ANXA10: variants seen among roughly 807,000 people sequenced by gnomAD.
ANXA10 encodes annexin A10, also known as annexin 14.
In ANXA10, 49 loss-of-function variants were observed where a neutral mutation model predicts 53.5. The observed-to-expected ratio is 0.92, with a 90% confidence interval of 0.73 to 1.16. The LOEUF (loss-of-function observed/expected upper bound fraction) is 1.16, where lower values mean the gene tolerates loss of function less well. Ranked by LOEUF, ANXA10 falls within the 50% of genes most tolerant of loss-of-function variation. ANXA10 has a pLI of 0.00. For synonymous variants in ANXA10, 131 were observed against 128.9 expected (o/e 1.02, Z -0.11); for missense variants, 393 against 394.4 (o/e 1.00, Z 0.03).
At chr4:168,102,745 TG>T (rs147810111) in intron 1 of ANXA10, among the ~76,000 whole-genome samples, 10,722 of 152,116 alleles carry the variant, frequency 0.07, 497 homozygotes, top group Non-Finnish European at 0.11. Flanking sequence ...AGTTTTTGAG[TG>T]CAGTTATGTT....
chr4:168,170,318 C>T (rs1338703387), intron 6 of ANXA10, among the ~76,000 whole-genome samples: 1 of 151,998 alleles, frequency 6.6e-6, no homozygotes, highest in South Asian at 2.1e-4. Flanking sequence ...AAATGTAGCA[C>T]CTATAAATTT....
chr4:168,134,853 C>A (rs1262084534), intron 2 of ANXA10, among the ~76,000 whole-genome samples: 1 of 152,166 alleles, frequency 6.6e-6, no homozygotes, highest in African/African-American at 2.4e-5. Flanking sequence ...GTGATACAGT[C>A]ATCTATGTTA....
intron 6 of ANXA10, among the ~76,000 whole-genome samples, chr4:168,175,373 A>G (rs1732107161): frequency 6.6e-6 from 1 of 152,204 alleles, no homozygotes; most frequent in South Asian, 2.1e-4. Context: ...TAAAATCATA[A>G]GAGAGAATTT....
chr4:168,186,717 T>C (rs2149483282), intron 11 of ANXA10, among the ~76,000 whole-genome samples: 1 of 152,280 alleles, frequency 6.6e-6, no homozygotes, highest in South Asian at 2.1e-4. Flanking sequence ...ACAGGTACTT[T>C]CAGTCATTTT....
At chr4:168,176,686 T>G (rs1286158820) in intron 6 of ANXA10, among the ~76,000 whole-genome samples, 1 of 152,210 alleles carries the variant, frequency 6.6e-6, no homozygotes, top group Non-Finnish European at 1.5e-5. Context: ...TTCACTGCAC[T>G]GTGGCTATTC....
At chr4:168,141,679 T>G (rs1218780240) in intron 3 of ANXA10, among the ~76,000 whole-genome samples, 2 of 151,706 alleles carry the variant, frequency 1.3e-5, no homozygotes, top group African/African-American at 4.8e-5. Flanking sequence ...GAGCAGAGAG[T>G]TTATTTAAAG....
At chr4:168,166,601 A>G (rs1452641988) in intron 6 of ANXA10, among the ~76,000 whole-genome samples, 5 of 151,332 alleles carry the variant, frequency 3.3e-5, no homozygotes, top group Non-Finnish European at 7.4e-5. Flanking sequence ...CTTAAAAGCC[A>G]GAATTTTGGT....
intron 6 of ANXA10, among the ~76,000 whole-genome samples, chr4:168,174,790 T>C (rs1030515167): frequency 3.3e-5 from 5 of 151,912 alleles, no homozygotes; most frequent in Non-Finnish European, 5.9e-5. Context: ...TGAAGTGCAG[T>C]GTGGAAGACT....
intron 6 of ANXA10, among the ~76,000 whole-genome samples, chr4:168,166,631 C>CGT (rs34797848): frequency 0.047 from 6,483 of 136,670 alleles, 154 homozygotes; most frequent in East Asian, 0.079. Flanking sequence ...TTTTGTGTTT[C>CGT]GTGTGTGTGT....
intron 1 of ANXA10, among the ~76,000 whole-genome samples, chr4:168,099,527 G>T (rs1009077562): frequency 3.3e-5 from 5 of 152,102 alleles, no homozygotes; most frequent in African/African-American, 1.2e-4. Context: ...CTCAGTGAAA[G>T]GTAATTAATT....
chr4:168,100,113 A>T (rs1176386734), intron 1 of ANXA10, among the ~76,000 whole-genome samples: 2 of 152,148 alleles, frequency 1.3e-5, no homozygotes, highest in African/African-American at 4.8e-5. Flanking sequence ...TAGGTGCACT[A>T]AACTCAGAAA....
chr4:168,146,561 G>C (rs1035202709), intron 3 of ANXA10, among the ~76,000 whole-genome samples: 1 of 152,156 alleles, frequency 6.6e-6, no homozygotes, highest in Non-Finnish European at 1.5e-5. Flanking sequence ...TTTACCATAT[G>C]CCCAGCTTTT....
chr4:168,166,090 A>G (rs1731873362), intron 6 of ANXA10, among the ~76,000 whole-genome samples: 1 of 152,236 alleles, frequency 6.6e-6, no homozygotes, highest in African/African-American at 2.4e-5. Context: ...TTCTCATTTA[A>G]TAACAACAAA....
chr4:168,097,402 T>A (rs1730569137), intron 1 of ANXA10, among the ~76,000 whole-genome samples: 1 of 152,050 alleles, frequency 6.6e-6, no homozygotes. Flanking sequence ...CTTGAAACTC[T>A]TCTCCTTCCT....
chr4:168,129,422 T>C (rs1027976977), intron 2 of ANXA10, among the ~76,000 whole-genome samples: 3 of 152,172 alleles, frequency 2.0e-5, no homozygotes, highest in African/African-American at 7.2e-5. Context: ...AAAAAGTTTT[T>C]CTTTGCTCCA....
intron 1 of ANXA10, among the ~76,000 whole-genome samples, chr4:168,093,369 T>G (rs1730491168): frequency 6.6e-6 from 1 of 152,092 alleles, no homozygotes; most frequent in African/African-American, 2.4e-5. Flanking sequence ...GTCCAACTGC[T>G]CTAATAGTCA....
At chr4:168,135,028 CT>C (rs1731214819) in intron 2 of ANXA10, among the ~76,000 whole-genome samples, 1 of 152,100 alleles carries the variant, frequency 6.6e-6, no homozygotes, top group Non-Finnish European at 1.5e-5. Context: ...TATATCTTCC[CT>C]TGTTGAAGAA....
chr4:168,146,337 A>G (rs1731406427), intron 3 of ANXA10, among the ~76,000 whole-genome samples: 1 of 152,218 alleles, frequency 6.6e-6, no homozygotes, highest in African/African-American at 2.4e-5. Context: ...GACCTGAAAC[A>G]GCAATATTGT....
intron 2 of ANXA10, among the ~76,000 whole-genome samples, chr4:168,133,947 T>A (rs1246048578): frequency 1.4e-5 from 2 of 148,100 alleles, no homozygotes; most frequent in African/African-American, 5.3e-5. Flanking sequence ...GAGAAAAACT[T>A]ATAATGATTA....
Sources: gnomAD v4.1 joint callset for allele counts (sites outside exome capture counted in the v4.1 genomes callset) on GRCh38, gnomAD v4.1.1 for gene constraint, MANE v1.5 for transcripts, NCBI Gene and HGNC (gene_info 2026-07-23, HGNC 2026-07-21) for gene names.